Variants in CCDC192 observed in about 807,000 individuals in gnomAD.
CCDC192 encodes coiled-coil domain-containing protein 192.
intron 2 of CCDC192, among the ~76,000 whole-genome samples, chr5:127,710,654 T>G (rs1751271878): frequency 1.3e-5 from 2 of 152,108 alleles, no homozygotes; most frequent in South Asian, 4.2e-4. Context: ...TAGTAGCAGG[T>G]GATTGAAATT....
chr5:127,783,434 G>A (rs1346008445), intron 3 of CCDC192, among the ~76,000 whole-genome samples: 1 of 152,148 alleles, frequency 6.6e-6, no homozygotes, highest in Non-Finnish European at 1.5e-5. Context: ...TGATTTTGAA[G>A]GTTTCTTTTG....
At chr5:127,841,044 T>G (rs2127063438) in intron 5 of CCDC192, among the ~76,000 whole-genome samples, 1 of 152,312 alleles carries the variant, frequency 6.6e-6, no homozygotes, top group East Asian at 1.9e-4. Context: ...AAATAAGATG[T>G]GACCTGGAAA....
chr5:127,854,100 A>G (rs1231424627), intron 5 of CCDC192, among the ~76,000 whole-genome samples: 1 of 152,186 alleles, frequency 6.6e-6, no homozygotes, highest in East Asian at 1.9e-4. Flanking sequence ...TTTGGGTTCC[A>G]GGTCATAACA....
At chr5:127,766,475 A>G (rs1206308878) in intron 3 of CCDC192, among the ~76,000 whole-genome samples, 1 of 152,136 alleles carries the variant, frequency 6.6e-6, no homozygotes, top group African/African-American at 2.4e-5. Context: ...GAGCAGTTCT[A>G]ACCATTTCTA....
chr5:127,877,933 C>G (rs2764766), intron 6 of CCDC192, among the ~76,000 whole-genome samples: 99,531 of 152,110 alleles, frequency 0.65, 32,557 homozygotes, highest in Non-Finnish European at 0.68. Flanking sequence ...TTTACCGGCA[C>G]ATGTAAACAA....
chr5:127,803,870 A>G (rs927122195), intron 5 of CCDC192, among the ~76,000 whole-genome samples: 4 of 152,250 alleles, frequency 2.6e-5, no homozygotes, highest in Non-Finnish European at 5.9e-5. Context: ...GATACATTTC[A>G]TAATAAACTA....
At chr5:127,787,954 T>G (rs1756642164) in intron 3 of CCDC192, among the ~76,000 whole-genome samples, 1 of 152,066 alleles carries the variant, frequency 6.6e-6, no homozygotes, top group Non-Finnish European at 1.5e-5. Context: ...TCATAATGCA[T>G]GCCTGTAATC....
chr5:127,752,913 A>G (rs1318527754), intron 2 of CCDC192, among the ~76,000 whole-genome samples: 1 of 152,196 alleles, frequency 6.6e-6, no homozygotes, highest in Non-Finnish European at 1.5e-5. Flanking sequence ...TGACTAGGAA[A>G]GGGAACTCCC....
chr5:127,727,038 G>A (rs1458851030), intron 2 of CCDC192, among the ~76,000 whole-genome samples: 1 of 152,206 alleles, frequency 6.6e-6, no homozygotes. Context: ...GCTCCCAGAG[G>A]AAGAAGTGGA....
At chr5:127,751,617 A>G (rs2126866315) in intron 2 of CCDC192, among the ~76,000 whole-genome samples, 1 of 152,240 alleles carries the variant, frequency 6.6e-6, no homozygotes, top group South Asian at 2.1e-4. Flanking sequence ...CTCGAGGAGT[A>G]TCTTTGTGGC....
At chr5:127,799,284 G>T (rs1226392857) in intron 5 of CCDC192, among the ~76,000 whole-genome samples, 1 of 152,184 alleles carries the variant, frequency 6.6e-6, no homozygotes, top group Non-Finnish European at 1.5e-5. Context: ...TTGTGCTAGA[G>T]AAGAGAAAAG....
chr5:127,923,848 C>G (rs558039526), intron 6 of CCDC192, among the ~76,000 whole-genome samples: 71 of 152,306 alleles, frequency 4.7e-4, no homozygotes, highest in African/African-American at 1.7e-3. Context: ...ACTTTCTCTT[C>G]CAACTTTCAG....
At chr5:127,845,047 C>T (rs1750471694) in intron 5 of CCDC192, among the ~76,000 whole-genome samples, 1 of 152,142 alleles carries the variant, frequency 6.6e-6, no homozygotes, top group Admixed American at 6.5e-5. Flanking sequence ...TGTGGAAGAA[C>T]AAATAACCCT....
chr5:127,753,162 G>T (rs1366111443), intron 2 of CCDC192, among the ~76,000 whole-genome samples: 1 of 152,098 alleles, frequency 6.6e-6, no homozygotes, highest in Non-Finnish European at 1.5e-5. Flanking sequence ...GGGGTTAATT[G>T]GAAGCAGCTG....
chr5:127,703,403 C>T lies in CCDC192; in HGVS notation c.-43C>T, dbSNP rs1013979729. 3 of 398,932 alleles carry T rather than the reference C, an allele frequency of 7.5e-6. No homozygotes were observed. The highest frequency in any genetic ancestry group is 1.3e-5 in the Non-Finnish European group (3 of 226,046). The allele number at this position is 398,932 out of a possible 1,614,324, so 24.7% of individuals were successfully genotyped here. ...AACTCTAAAGAATGATGCCTGTTGA[C>T]GTCTGTCCCAGGGACAGGGGATCCC... On this transcript the variant is annotated 5_prime_UTR_variant, in exon 1 of 7. The change creates a new upstream start codon in the 5' untranslated region. Coordinates refer to ENST00000514853, the MANE Select transcript of CCDC192 (RefSeq NM_001317938.2).
At chr5:127,724,266 A>G (rs544110805) in intron 2 of CCDC192, among the ~76,000 whole-genome samples, 3 of 152,318 alleles carry the variant, frequency 2.0e-5, no homozygotes, top group South Asian at 2.1e-4. Flanking sequence ...GGAGAATGCT[A>G]TAAATTCTAG....
At chr5:127,913,172 C>T (rs150820560) in intron 6 of CCDC192, among the ~76,000 whole-genome samples, 3 of 152,290 alleles carry the variant, frequency 2.0e-5, no homozygotes, top group East Asian at 3.9e-4. Flanking sequence ...TCTGCAAAAG[C>T]ATGTATTATG....
At chr5:127,768,035 C>G (rs1278052615) in intron 3 of CCDC192, among the ~76,000 whole-genome samples, 1 of 152,024 alleles carries the variant, frequency 6.6e-6, no homozygotes, top group East Asian at 1.9e-4. Flanking sequence ...GGGCGGATCA[C>G]GAGGTCAGGA....
At chr5:127,787,771 C>T (rs1490887057) in intron 3 of CCDC192, among the ~76,000 whole-genome samples, 2 of 152,040 alleles carry the variant, frequency 1.3e-5, no homozygotes, top group Admixed American at 6.6e-5. Context: ...TAGTGTAATT[C>T]AAGTCTATTT....
Sources: allele counts gnomAD v4.1 joint callset (sites outside exome capture counted in the v4.1 genomes callset), GRCh38; gene constraint gnomAD v4.1.1; transcripts MANE v1.5; gene names NCBI Gene and HGNC (gene_info 2026-07-23, HGNC 2026-07-21).